Variants in PPP4R1 observed in about 807,000 individuals in gnomAD.
The protein encoded by PPP4R1 is serine/threonine-protein phosphatase 4 regulatory subunit 1.
PPP4R1 carries 42 observed loss-of-function variants against 111.2 expected under a neutral mutation model. The observed-to-expected ratio is 0.38, with a 90% CI of 0.29 to 0.49. PPP4R1 has a LOEUF of 0.49. PPP4R1 is among the 20% of genes least tolerant of loss of function. The pLI is 0.97. For missense variants in PPP4R1, 1,012 were observed against 1,161.6 expected, an observed-to-expected ratio of 0.87 and a Z score of 1.87; for synonymous variants, 409 against 405.5, an observed-to-expected ratio of 1.01 and a Z score of -0.10.
At chr18:9,580,135 GT>G (rs766599568) in intron 9 of PPP4R1, among the ~76,000 whole-genome samples, 19 of 152,212 alleles carry the variant, frequency 1.2e-4, no homozygotes, top group Non-Finnish European at 1.9e-4. Flanking sequence ...TGTCAATTTT[GT>G]TTTGGGAATG....
chr18:9,614,228 C>A lies in PPP4R1; in HGVS notation c.50G>T (p.Gly17Val). The A allele has an allele frequency of 7.3e-7, 1 of 1,366,514 alleles. No individual in the cohort carries two copies. The highest frequency in any genetic ancestry group is 9.5e-7 in the Non-Finnish European group (1 of 1,047,132). The allele number at this position is 1,366,514 out of a possible 1,614,324, so 84.6% of individuals were successfully genotyped here. Residue 17 changes from glycine (G) to valine (V), a missense_variant and splice_region_variant, in exon 2 of 20, where the codon GGA becomes GTA. Gly to Val is a moderately radical substitution (Grantham distance 109). Coordinates refer to ENST00000400556, the MANE Select transcript of PPP4R1 (RefSeq NM_001042388.3). The surrounding 1 kb of genome is among the most constrained non-coding windows in gnomAD (Gnocchi z 4.1). ...CACCGCGAGGCCGGGCCACTCACAT[C>A]CGTCTGCGTCCTCCTGCAGGTCCTC... ...LQEDLQEDAD[G>V]FGVDDYSSES... is the part of the protein sequence containing the mutation.
intron 2 of PPP4R1, chr18:9,613,646 T>C (rs1276824157): frequency 6.6e-6 from 1 of 152,178 alleles, no homozygotes; most frequent in Non-Finnish European, 1.5e-5. Context: ...CTTCTAACCT[T>C]CTCGTAATCC....
At chr18:9,561,697 C>T (rs146642194) in intron 13 of PPP4R1, among the ~76,000 whole-genome samples, 3 of 152,130 alleles carry the variant, frequency 2.0e-5, no homozygotes, top group African/African-American at 7.2e-5. Flanking sequence ...TAAAAAGAGG[C>T]ACATGTGTAT....
intron 2 of PPP4R1, among the ~76,000 whole-genome samples, chr18:9,597,482 T>C (rs959909684): frequency 6.6e-6 from 1 of 152,206 alleles, no homozygotes; most frequent in East Asian, 1.9e-4. Flanking sequence ...AAACAGTTTA[T>C]GTGTGTGAGG....
At chr18:9,554,481 T>C (rs775083722) in intron 15 of PPP4R1, among the ~76,000 whole-genome samples, 9 of 149,390 alleles carry the variant, frequency 6.0e-5, no homozygotes, top group Non-Finnish European at 1.3e-4. Flanking sequence ...TTACCAGGAG[T>C]AAAAAGAAAA....
intron 16 of PPP4R1, chr18:9,550,879 T>C: frequency 6.5e-6 from 1 of 154,586 alleles, no homozygotes; most frequent in Non-Finnish European, 1.4e-5. Context: ...TCCAGCAACC[T>C]TCCCATCACA....
At chr18:9,616,609 G>A (rs903496959), upstream of PPP4R1, among the ~76,000 whole-genome samples, 1 of 152,098 alleles carries the variant, frequency 6.6e-6, no homozygotes, top group Admixed American at 6.6e-5. Flanking sequence ...TGGTCTCACC[G>A]CAACAACACA....
chr18:9,612,051 T>C (rs971623804), intron 2 of PPP4R1, among the ~76,000 whole-genome samples: 1 of 152,076 alleles, frequency 6.6e-6, no homozygotes, highest in African/African-American at 2.4e-5. Flanking sequence ...ATTGGCAGCA[T>C]CTTTAAGTAC....
At chr18:9,549,169 C>A in intron 19 of PPP4R1, 28 bp downstream of exon 19, 1 of 1,600,950 alleles carries the variant, frequency 6.2e-7, no homozygotes, top group South Asian at 1.1e-5. Context: ...TCTACTCACA[C>A]GCTTCTTCTA....
chr18:9,552,525 TAGTG>T (rs1449032680), intron 16 of PPP4R1, among the ~76,000 whole-genome samples: 1 of 152,174 alleles, frequency 6.6e-6, no homozygotes, highest in Non-Finnish European at 1.5e-5. Context: ...AAATAGGTGT[TAGTG>T]AGGAGACAGA....
intron 8 of PPP4R1, 84 bp from the exon 9 acceptor site, chr18:9,583,359 G>A: frequency 1.7e-5 from 21 of 1,271,174 alleles, no homozygotes; most frequent in Non-Finnish European, 2.2e-5. Flanking sequence ...CTGCTTTCAC[G>A]CTTCTTTTGT....
At chr18:9,600,893 GA>G (rs1333378643) in intron 2 of PPP4R1, among the ~76,000 whole-genome samples, 4 of 151,398 alleles carry the variant, frequency 2.6e-5, no homozygotes, top group Admixed American at 2.0e-4. Context: ...AAAGAAAAAA[GA>G]AAAAAAGCTG....
intron 11 of PPP4R1, among the ~76,000 whole-genome samples, chr18:9,566,263 G>T (rs897501363): frequency 1.1e-4 from 16 of 152,086 alleles, no homozygotes; most frequent in African/African-American, 3.9e-4. Context: ...ATGCCATCTA[G>T]AACTTTCCTA....
intron 5 of PPP4R1, 38 bp from the exon 6 acceptor site, chr18:9,588,273 C>T (rs1299645947): frequency 3.2e-6 from 5 of 1,579,190 alleles, no homozygotes; most frequent in Non-Finnish European, 4.3e-6. Flanking sequence ...AGTACATATG[C>T]AACATGACAA....
At position 9,547,953 on chromosome 18, in the gene PPP4R1, C is replaced by G. The variant is rs2066425731; in HGVS notation, c.2690-1G>C. 1.9e-6 allele frequency: 3 copies of G among 1,613,696 alleles called. No homozygotes were observed. Among genetic ancestry groups the G allele is most frequent in the Non-Finnish European group, 2.5e-6 (3 of 1,180,000 alleles). On this transcript the variant is annotated splice_acceptor_variant, in intron 19 of 19. Coordinates refer to ENST00000400556, the MANE Select transcript of PPP4R1 (RefSeq NM_001042388.3). LOFTEE classifies it high-confidence loss of function. The stretch of plus-strand genomic sequence containing the variant: ...CAGCTGGCAGAGGCCAAGAAATAGT[C>G]TGGAAATGACATGTGCATAGGACAG...
intron 9 of PPP4R1, among the ~76,000 whole-genome samples, chr18:9,581,189 C>A (rs189707516): frequency 9.3e-5 from 14 of 150,120 alleles, no homozygotes; most frequent in African/African-American, 3.4e-4. Context: ...AAAATCCATA[C>A]ATTAGGGGGA....
chr18:9,607,866 T>C (rs2067510280), intron 2 of PPP4R1, among the ~76,000 whole-genome samples: 1 of 146,258 alleles, frequency 6.8e-6, no homozygotes, highest in African/African-American at 2.5e-5. Flanking sequence ...CACTGCAACC[T>C]CTGCCTCCCA....
chr18:9,562,122 C>A (rs764975986), intron 12 of PPP4R1, 47 bp from the exon 13 acceptor site: 2 of 1,399,284 alleles, frequency 1.4e-6, no homozygotes, highest in South Asian at 2.3e-5. Flanking sequence ...GTCTGTACAT[C>A]TTCATTTAAG....
At chr18:9,606,677 GTATTTA>G (rs2067487447) in intron 2 of PPP4R1, among the ~76,000 whole-genome samples, 1 of 151,618 alleles carries the variant, frequency 6.6e-6, no homozygotes, top group Non-Finnish European at 1.5e-5. Context: ...ATTCATATAT[GTATTTA>G]TATTTATATA....
Sources: gnomAD v4.1 joint callset for allele counts (sites outside exome capture counted in the v4.1 genomes callset) on GRCh38, gnomAD v4.1.1 for gene constraint, Gnocchi (gnomAD v3.1) non-coding constraint, MANE v1.5 for transcripts, NCBI Gene and HGNC (gene_info 2026-07-23, HGNC 2026-07-21) for gene names.